The following SPMIP2 variants were observed in gnomAD, a reference collection of about 807,000 sequenced individuals.
The protein encoded by SPMIP2 is protein SPMIP2.
At chr4:158,917,523 T>A in the SPMIP2 span, among the ~76,000 whole-genome samples, 1 of 151,870 alleles carries the variant, frequency 6.6e-6, no homozygotes, top group Non-Finnish European at 1.5e-5. Context: ...CACCTTCCCC[T>A]CGATGAGCTC....
chr4:158,910,524 C>T, the SPMIP2 span, among the ~76,000 whole-genome samples: 1 of 152,110 alleles, frequency 6.6e-6, no homozygotes, highest in Non-Finnish European at 1.5e-5. Context: ...CTGCCCGCCT[C>T]AGCCTCCCAA....
chr4:158,954,338 G>T, the SPMIP2 span, among the ~76,000 whole-genome samples: 1 of 101,634 alleles, frequency 9.8e-6, no homozygotes, highest in East Asian at 2.9e-4. Context: ...TCTCTTGCTG[G>T]TACCAGGTAA....
chr4:158,976,198 G>A, the SPMIP2 span, among the ~76,000 whole-genome samples: 1 of 152,090 alleles, frequency 6.6e-6, no homozygotes, highest in African/African-American at 2.4e-5. Flanking sequence ...CTGAGACAAT[G>A]GGGTTTTCTA....
the SPMIP2 span, among the ~76,000 whole-genome samples, chr4:158,916,889 C>T: frequency 6.6e-6 from 1 of 152,144 alleles, no homozygotes; most frequent in Non-Finnish European, 1.5e-5. Flanking sequence ...GGCCATCCTC[C>T]CACCTCAGCC....
the SPMIP2 span, among the ~76,000 whole-genome samples, chr4:159,076,624 TAATA>T: frequency 6.6e-6 from 1 of 152,222 alleles, no homozygotes; most frequent in Non-Finnish European, 1.5e-5. Flanking sequence ...TAATAAACAG[TAATA>T]AATACTTTAA....
the SPMIP2 span, chr4:159,007,324 A>T: frequency 1.3e-6 from 1 of 755,320 alleles, no homozygotes; most frequent in South Asian, 1.3e-5. Flanking sequence ...ATCTCATCCC[A>T]GGCCCTCCAC....
chr4:158,924,607 C>G, the SPMIP2 span, among the ~76,000 whole-genome samples: 9,965 of 152,162 alleles, frequency 0.065, 412 homozygotes, highest in African/African-American at 0.12. Context: ...GTCTCAAACT[C>G]CTGACCTCAG....
At chr4:158,986,461 A>G in the SPMIP2 span, among the ~76,000 whole-genome samples, 1 of 152,314 alleles carries the variant, frequency 6.6e-6, no homozygotes, top group African/African-American at 2.4e-5. Flanking sequence ...AACAGAACAA[A>G]GCCCTCAGAA....
the SPMIP2 span, among the ~76,000 whole-genome samples, chr4:158,940,977 C>T: frequency 6.6e-6 from 1 of 152,130 alleles, no homozygotes; most frequent in Non-Finnish European, 1.5e-5. Context: ...ATTTCCTTCT[C>T]CAGATCCAGA....
At chr4:158,979,988 C>T in the SPMIP2 span, among the ~76,000 whole-genome samples, 6 of 151,954 alleles carry the variant, frequency 3.9e-5, 1 homozygote, top group South Asian at 2.1e-4. Context: ...AGTCTGAAAC[C>T]GACCTGGGAC....
At chr4:158,903,930 C>A in the SPMIP2 span, among the ~76,000 whole-genome samples, 1 of 152,162 alleles carries the variant, frequency 6.6e-6, no homozygotes, top group African/African-American at 2.4e-5. Context: ...AACCCAGTAC[C>A]TTTTAGTGTC....
chr4:159,041,356 T>A, the SPMIP2 span, among the ~76,000 whole-genome samples: 1 of 152,238 alleles, frequency 6.6e-6, no homozygotes, highest in Non-Finnish European at 1.5e-5. Context: ...GTAATTGCTA[T>A]ACTACACATT....
At chr4:159,066,589 T>TTATATATATATATATA in the SPMIP2 span, among the ~76,000 whole-genome samples, 389 of 76,360 alleles carry the variant, frequency 5.1e-3, 5 homozygotes, top group Admixed American at 8.1e-3. Context: ...TGTGTGTATT[T>TTATATATATATATATA]TATATATATA....
At chr4:158,956,527 C>T in the SPMIP2 span, among the ~76,000 whole-genome samples, 3 of 152,218 alleles carry the variant, frequency 2.0e-5, no homozygotes, top group Admixed American at 6.5e-5. Context: ...CGCGCCGTTG[C>T]ACTCCAGCCT....
chr4:159,058,317 A>C, the SPMIP2 span, among the ~76,000 whole-genome samples: 3 of 152,112 alleles, frequency 2.0e-5, no homozygotes, highest in Non-Finnish European at 1.5e-5. Flanking sequence ...ATCACCAAGA[A>C]CAGCAATATC....
At chr4:158,987,824 C>T in the SPMIP2 span, among the ~76,000 whole-genome samples, 1 of 151,788 alleles carries the variant, frequency 6.6e-6, no homozygotes, top group South Asian at 2.1e-4. Flanking sequence ...CCTAACATCA[C>T]AATTAAAAGA....
chr4:158,950,041 G>C, the SPMIP2 span, among the ~76,000 whole-genome samples: 2 of 152,134 alleles, frequency 1.3e-5, no homozygotes, highest in Non-Finnish European at 2.9e-5. Flanking sequence ...GCAGCCTCTT[G>C]ACCCCGAACC....
the SPMIP2 span, among the ~76,000 whole-genome samples, chr4:158,978,985 A>AG: frequency 6.6e-6 from 1 of 152,118 alleles, no homozygotes; most frequent in African/African-American, 2.4e-5. Context: ...CCCTTCCCCC[A>AG]GGTGCTCTGT....
At chr4:159,034,882 C>T in the SPMIP2 span, 1 of 622,444 alleles carries the variant, frequency 1.6e-6, no homozygotes, top group Non-Finnish European at 2.8e-6. Context: ...CAGAGCGAGA[C>T]TCTGTCTCAA....
Sources: allele counts gnomAD v4.1 joint callset (sites outside exome capture counted in the v4.1 genomes callset), GRCh38; gene constraint gnomAD v4.1.1; transcripts MANE v1.5; gene names NCBI Gene and HGNC (gene_info 2026-07-23, HGNC 2026-07-21).